Variants in ADAMTS19 observed in about 807,000 individuals in gnomAD.
The protein encoded by ADAMTS19 is ADAM metallopeptidase with thrombospondin type 1 motif 19, also known as A disintegrin and metalloproteinase with thrombospondin motifs 19.
In ADAMTS19, 93 loss-of-function variants were observed where a neutral mutation model predicts 153.3. The ratio of observed to expected loss-of-function variants is 0.61; its 90% CI spans 0.51 to 0.72. The LOEUF is 0.72. Among genes scored for constraint, ADAMTS19 ranks in the 30% least tolerant of loss-of-function variants. The pLI is 0.00. For missense variants in ADAMTS19, 1,482 were observed against 1,552.1 expected, an observed-to-expected ratio of 0.95 and a Z score of 0.76; for synonymous variants, 600 against 556.6, an observed-to-expected ratio of 1.08 and a Z score of -1.10.
intron 10 of ADAMTS19, among the ~76,000 whole-genome samples, chr5:129,633,761 C>G (rs1192144704): frequency 1.3e-5 from 2 of 152,132 alleles, no homozygotes; most frequent in African/African-American, 4.8e-5. Context: ...TAGGCAGCAG[C>G]TCATATCTTA....
chr5:129,551,870 T>A lies in ADAMTS19; in HGVS notation c.1335T>A (p.Asp445Glu). Residue 445 changes from aspartate to glutamate, a missense_variant, in exon 7 of 23, where the codon GAT (aspartate) becomes GAA (glutamate). By Grantham distance (45) the Asp-to-Glu change is conservative (BLOSUM62 2). Coordinates refer to ENST00000274487, the MANE Select transcript of ADAMTS19 (RefSeq NM_133638.6). ...TTTCTATTTTTCTTTCTAGGAAAGA[T>A]TTCTGTGTGCACAAAGATGAACCAT... ...VDAAILITRKDFCVHKDEPCD... is the reference protein window; with the variant it reads ...VDAAILITRKEFCVHKDEPCD... 1 of 1,577,232 alleles carries A rather than the reference T, an allele frequency of 6.3e-7. No homozygotes were observed. Among genetic ancestry groups the A allele is most frequent in the Non-Finnish European group, 8.6e-7 (1 of 1,162,962 alleles).
chr5:129,681,060 G>A (rs553812110), intron 17 of ADAMTS19, among the ~76,000 whole-genome samples: 1 of 152,314 alleles, frequency 6.6e-6, no homozygotes, highest in African/African-American at 2.4e-5. Flanking sequence ...GGAGTATGAT[G>A]TGCTGCATTA....
At chr5:129,645,269 G>A (rs1421186227) in intron 11 of ADAMTS19, among the ~76,000 whole-genome samples, 2 of 152,116 alleles carry the variant, frequency 1.3e-5, no homozygotes, top group East Asian at 3.8e-4. Context: ...TGCAAACGTT[G>A]TATGAAACAA....
intron 18 of ADAMTS19, among the ~76,000 whole-genome samples, chr5:129,691,342 C>G (rs1755326710): frequency 6.6e-6 from 1 of 152,116 alleles, no homozygotes; most frequent in Admixed American, 6.6e-5. Context: ...AAGTTAATCA[C>G]CATAAAGCAA....
Position 129,460,380 on chromosome 5 carries a change from C to T in ADAMTS19, c.-12C>T, listed in dbSNP as rs1356269364. The T allele has an allele frequency of 1.9e-6, 3 of 1,611,674 alleles. No homozygotes were observed. Among genetic ancestry groups the T allele is most frequent in the Admixed American group, 3.3e-5 (2 of 59,984 alleles). ...TGCGCCGGGCGAGAAGCCGCGGCCG[C>T]GGGAGCGCAGTATGGGGAAGAACCG... On this transcript the variant is annotated 5_prime_UTR_variant, in exon 1 of 23. Transcript: ENST00000274487.
chr5:129,616,950 G>A (rs1751560326), intron 8 of ADAMTS19, among the ~76,000 whole-genome samples: 3 of 152,156 alleles, frequency 2.0e-5, no homozygotes, highest in Admixed American at 2.0e-4. Flanking sequence ...GTTCATCTGT[G>A]TGAGCATCAA....
At chr5:129,462,709 C>T (rs1254423525) in intron 2 of ADAMTS19, among the ~76,000 whole-genome samples, 1 of 152,078 alleles carries the variant, frequency 6.6e-6, no homozygotes, top group Non-Finnish European at 1.5e-5. Context: ...CGTTGTTGTG[C>T]AACACCACCA....
At chr5:129,468,259 G>A (rs1459855397) in intron 2 of ADAMTS19, among the ~76,000 whole-genome samples, 1 of 152,184 alleles carries the variant, frequency 6.6e-6, no homozygotes, top group Non-Finnish European at 1.5e-5. Flanking sequence ...CAGACCAGGA[G>A]AGTAGGAGAG....
chr5:129,721,587 CT>C (rs113530812), intron 21 of ADAMTS19, among the ~76,000 whole-genome samples: 6 of 148,916 alleles, frequency 4.0e-5, no homozygotes, highest in Non-Finnish European at 7.5e-5. Flanking sequence ...AAACCAAGGT[CT>C]TTTTTTTTTA....
intron 22 of ADAMTS19, 80 bp downstream of exon 22, chr5:129,735,189 A>G: frequency 1.5e-6 from 2 of 1,312,820 alleles, no homozygotes; most frequent in Non-Finnish European, 2.0e-6. Context: ...ATTACTTTAA[A>G]CCTTGATAGT....
chr5:129,631,412 A>C (rs545669800), intron 10 of ADAMTS19, among the ~76,000 whole-genome samples: 1 of 151,960 alleles, frequency 6.6e-6, no homozygotes, highest in African/African-American at 2.4e-5. Context: ...ATGTGTATGG[A>C]TGTTCTAATA....
rs570370572 is a variant in ADAMTS19, at chr5:129,717,094, C to A, written c.3312+12703C>A. Reference sequence around the variant, plus strand: ...TACCTAGTTTCTCAAAGGGCTTCATCAATAAATGACAGCCTTAGAACTCCT... The same window carrying A: ...TACCTAGTTTCTCAAAGGGCTTCATAAATAAATGACAGCCTTAGAACTCCT... On this transcript the variant is annotated intron_variant, in intron 21 of 22. Transcript: ENST00000274487. 2.6e-5 allele frequency among the ~76,000 whole-genome samples: 4 copies of A among 152,278 alleles called. No homozygotes were observed. In the South Asian group the frequency reaches 8.3e-4, roughly 32 times the overall value.
At position 129,737,628 on chromosome 5, in the gene ADAMTS19, G is replaced by A. The variant is rs1011717850; in HGVS notation, c.*410G>A. 1.3e-5 allele frequency: 2 copies of A among 152,508 alleles called. No homozygotes were observed. The highest frequency in any genetic ancestry group is 2.9e-5 in the Non-Finnish European group (2 of 68,032). 9.4% of individuals were successfully genotyped at this position (152,508 alleles called of 1,614,324 possible). A position where few individuals can be genotyped will look rare whatever the true frequency, so the allele number is the denominator to read the frequency against. The stretch of plus-strand genomic sequence containing the variant: ...GTGTATATGAAGAGAAACTATTTTT[G>A]TTTTTTGGTGTCCTGCTGCAGAATT... On this transcript the variant is annotated 3_prime_UTR_variant, in exon 23 of 23. Coordinates refer to ENST00000274487, the MANE Select transcript of ADAMTS19 (RefSeq NM_133638.6).
At chr5:129,548,635 A>C (rs1227451153) in intron 6 of ADAMTS19, among the ~76,000 whole-genome samples, 1 of 151,906 alleles carries the variant, frequency 6.6e-6, no homozygotes, top group South Asian at 2.1e-4. Context: ...TCAGGGATCT[A>C]GAACTAGAAA....
At chr5:129,552,944 G>T (rs185589699) in intron 7 of ADAMTS19, among the ~76,000 whole-genome samples, 6 of 152,084 alleles carry the variant, frequency 3.9e-5, no homozygotes, top group East Asian at 1.9e-4. Context: ...GGAATTGTCG[G>T]CATGAAAAGA....
At chr5:129,471,406 G>A (rs1750061000) in intron 2 of ADAMTS19, among the ~76,000 whole-genome samples, 1 of 148,346 alleles carries the variant, frequency 6.7e-6, no homozygotes, top group Admixed American at 6.8e-5. Context: ...GGGATAGGGA[G>A]GGAAGGAGGT....
At chr5:129,604,422 G>A (rs140846953) in intron 8 of ADAMTS19, among the ~76,000 whole-genome samples, 1 of 152,220 alleles carries the variant, frequency 6.6e-6, no homozygotes, top group Non-Finnish European at 1.5e-5. Context: ...TCTCTATTAA[G>A]CATTTTAGTG....
At chr5:129,539,343 C>T (rs1752574012) in intron 6 of ADAMTS19, among the ~76,000 whole-genome samples, 1 of 151,968 alleles carries the variant, frequency 6.6e-6, no homozygotes, top group Non-Finnish European at 1.5e-5. Context: ...GTTTTGCAGA[C>T]AGAAAAACAG....
chr5:129,725,770 A>G (rs1757183767), intron 21 of ADAMTS19, among the ~76,000 whole-genome samples: 1 of 151,886 alleles, frequency 6.6e-6, no homozygotes. Context: ...CCACCCATTC[A>G]TGGCCTAAAT....
Sources: allele counts gnomAD v4.1 joint callset (sites outside exome capture counted in the v4.1 genomes callset), GRCh38; gene constraint gnomAD v4.1.1; transcripts MANE v1.5; gene names NCBI Gene and HGNC (gene_info 2026-07-23, HGNC 2026-07-21).